Variants in COL21A1 observed in about 807,000 individuals in gnomAD.
COL21A1 encodes the protein collagen alpha-1(XXI) chain.
A neutral mutation model predicts 137.9 loss-of-function variants in COL21A1; 149 were observed. That is an observed-to-expected ratio of 1.08 (90% CI 0.95 to 1.24). COL21A1 has a LOEUF of 1.24. COL21A1 is among the 50% of genes most tolerant of loss of function. The pLI, the probability that COL21A1 is intolerant of heterozygous loss-of-function variation, is 0.00. For missense variants in COL21A1, 1,167 were observed against 1,158.4 expected, an observed-to-expected ratio of 1.01 and a Z score of -0.11; for synonymous variants, 456 against 391.5, an observed-to-expected ratio of 1.16 and a Z score of -1.95.
At chr6:56,310,656 G>A (rs1323256872) in intron 1 of COL21A1, among the ~76,000 whole-genome samples, 1 of 151,880 alleles carries the variant, frequency 6.6e-6, no homozygotes, top group African/African-American at 2.4e-5. Context: ...TTACTTAGAG[G>A]CCACTTACAA....
intron 10 of COL21A1, among the ~76,000 whole-genome samples, chr6:56,153,870 C>A (rs1165529838): frequency 6.6e-6 from 1 of 152,132 alleles, no homozygotes; most frequent in Non-Finnish European, 1.5e-5. Context: ...TCCCCTGCCA[C>A]CTTCTCTTCT....
intron 1 of COL21A1, among the ~76,000 whole-genome samples, chr6:56,271,521 G>A (rs1024188736): frequency 3.3e-5 from 5 of 152,190 alleles, no homozygotes; most frequent in Non-Finnish European, 5.9e-5. Flanking sequence ...TTTGCAGCCC[G>A]ACTATGTGGT....
intron 1 of COL21A1, among the ~76,000 whole-genome samples, chr6:56,299,905 C>T (rs762402380): frequency 3.3e-5 from 5 of 151,982 alleles, no homozygotes; most frequent in South Asian, 2.1e-4. Flanking sequence ...CCCTTTCTCC[C>T]GATAAATAAA....
chr6:56,218,606 A>C, intron 1 of COL21A1, among the ~76,000 whole-genome samples: 1 of 151,622 alleles, frequency 6.6e-6, no homozygotes, highest in South Asian at 2.1e-4. Context: ...TTATTGCTTT[A>C]TTTTTTTTAC....
chr6:56,346,826 T>G (rs544394715), intron 1 of COL21A1, among the ~76,000 whole-genome samples: 1 of 152,146 alleles, frequency 6.6e-6, no homozygotes, highest in African/African-American at 2.4e-5. Flanking sequence ...TAGCAGCAGA[T>G]GGAGTTTCAG....
rs1390547945 is a variant in COL21A1, at chr6:56,332,684, A to G, written c.-39+61287T>C. Among the ~76,000 whole-genome samples, 5 of 151,220 alleles carry G rather than the reference A, an allele frequency of 3.3e-5. No individual in the cohort carries two copies. The South Asian group carries it at 1.0e-3, about 32-fold the overall frequency. ...GTCACCATTTTCAACACTAGGTTAT[A>G]TGTTTTTTTTTAACTCCATGTCAAT... On this transcript the variant is annotated intron_variant, in intron 1 of 28. Coordinates refer to the COL21A1 transcript ENST00000370819.
chr6:56,277,852 C>A (rs1181983998), intron 1 of COL21A1, among the ~76,000 whole-genome samples: 1 of 152,174 alleles, frequency 6.6e-6, no homozygotes, highest in Non-Finnish European at 1.5e-5. Context: ...ACAGACTTAA[C>A]ATGTATATTT....
At chr6:56,338,031 C>T (rs1464629041) in intron 1 of COL21A1, among the ~76,000 whole-genome samples, 8 of 146,572 alleles carry the variant, frequency 5.5e-5, no homozygotes, top group Non-Finnish European at 7.5e-5. Context: ...GGCGCAATCT[C>T]GGCTCACTGC....
At chr6:56,106,900 C>A (rs1208225805) in intron 16 of COL21A1, among the ~76,000 whole-genome samples, 1 of 152,074 alleles carries the variant, frequency 6.6e-6, no homozygotes, top group African/African-American at 2.4e-5. Flanking sequence ...CATTCTCCTG[C>A]CTCAGCCTCC....
chr6:56,378,720 C>T (rs1319769355), intron 1 of COL21A1, among the ~76,000 whole-genome samples: 1 of 152,176 alleles, frequency 6.6e-6, no homozygotes, highest in Non-Finnish European at 1.5e-5. Flanking sequence ...GCCCCAGGGC[C>T]TTAAGCGAAC....
Position 56,257,193 on chromosome 6 carries a change from C to A in COL21A1, c.-38-74537G>T, listed in dbSNP as rs73457199. ...TCCCCCAGAAAATTCCCATTACTAG[C>A]AAGTTTGGACATGATTAACACTTTG... On this transcript the variant is annotated intron_variant, in intron 1 of 28. Coordinates refer to the COL21A1 transcript ENST00000370819. Among the ~76,000 whole-genome samples the A allele has an allele frequency of 5.5e-3, 831 of 152,174 alleles. 7 individuals carry two copies. Among genetic ancestry groups the A allele is most frequent in the African/African-American group, 0.019 (801 of 41,524 alleles).
intron 1 of COL21A1, among the ~76,000 whole-genome samples, chr6:56,333,587 G>A (rs6920577): frequency 0.68 from 102,633 of 151,980 alleles, 34,990 homozygotes; most frequent in East Asian, 0.9. Context: ...AAGCTGCTAT[G>A]AACATTCACG....
rs1763851372 is a variant in COL21A1 at position 56,284,234 on chromosome 6, T to C, written c.-38-101578A>G. On this transcript the variant is annotated intron_variant, in intron 1 of 28. Transcript: ENST00000370819. The stretch of plus-strand genomic sequence containing the variant: ...AGCTAAATTTTGTATTTTCTACTTT[T>C]GGTAGAGTTGGGATTCACGATGTTG... Among the ~76,000 whole-genome samples, 6 of 152,190 alleles carry C rather than the reference T, an allele frequency of 3.9e-5. No individual in the cohort carries two copies. The South Asian group carries it at 1.2e-3, about 32-fold the overall frequency.
At position 56,097,812 on chromosome 6, in the gene COL21A1, TATATAAATAC is replaced by T. The variant is rs1471458078; in HGVS notation, c.1812+3650_1812+3659del. On this transcript the variant is annotated intron_variant, in intron 17 of 29. Coordinates refer to ENST00000244728, the MANE Select transcript of COL21A1 (RefSeq NM_030820.4). The stretch of plus-strand genomic sequence containing the variant: ...ATATATATATAAATCTATATAAATA[TATATAAATAC>T]ATATAAATATATATAAATATATAAA... Among the ~76,000 whole-genome samples, 25 of 106,922 alleles carry T rather than the reference TATATAAATAC, an allele frequency of 2.3e-4. 1 individual carries two copies. Among genetic ancestry groups the T allele is most frequent in the African/African-American group, 9.3e-4 (25 of 26,964 alleles). The allele number at this position is 106,922 out of a possible 152,430, so 70.1% of individuals were successfully genotyped here.
upstream of COL21A1, among the ~76,000 whole-genome samples, chr6:56,249,720 T>G (rs1782809389): frequency 2.0e-5 from 3 of 152,146 alleles, no homozygotes; most frequent in African/African-American, 7.2e-5. Context: ...GAAGTGCTGG[T>G]AGAAGGAAGA....
intron 1 of COL21A1, among the ~76,000 whole-genome samples, chr6:56,352,178 T>A (rs1217112023): frequency 6.6e-6 from 1 of 151,878 alleles, no homozygotes; most frequent in African/African-American, 2.4e-5. Flanking sequence ...GAACAAAATA[T>A]CACAATTTTA....
chr6:56,320,843 T>A (rs943603832), intron 1 of COL21A1, among the ~76,000 whole-genome samples: 1 of 152,164 alleles, frequency 6.6e-6, no homozygotes, highest in Non-Finnish European at 1.5e-5. Context: ...AGCAATTACA[T>A]CTTCATCTCA....
At chr6:56,330,811 G>A (rs1395610901) in intron 1 of COL21A1, among the ~76,000 whole-genome samples, 2 of 152,000 alleles carry the variant, frequency 1.3e-5, no homozygotes, top group Non-Finnish European at 2.9e-5. Flanking sequence ...TCTTTGGGTA[G>A]ATACCCAGTA....
intron 1 of COL21A1, among the ~76,000 whole-genome samples, chr6:56,288,735 A>C (rs1166156262): frequency 1.3e-5 from 2 of 152,230 alleles, no homozygotes; most frequent in Non-Finnish European, 2.9e-5. Context: ...TTTAATGATT[A>C]GCTGCCATTC....
Sources: allele counts gnomAD v4.1 joint callset (sites outside exome capture counted in the v4.1 genomes callset), GRCh38; gene constraint gnomAD v4.1.1; transcripts MANE v1.5; gene names NCBI Gene and HGNC (gene_info 2026-07-23, HGNC 2026-07-21).